Variants in COMMD1 observed in about 807,000 individuals in gnomAD.
The protein encoded by COMMD1 is copper metabolism domain containing 1.
A neutral mutation model predicts 17.2 loss-of-function variants in COMMD1; 10 were observed. That is an observed-to-expected ratio of 0.58 (90% CI 0.36 to 0.99). The LOEUF is 0.99. COMMD1 is among the 50% of genes least tolerant of loss of function. COMMD1 has a pLI of 0.01. For synonymous variants in COMMD1, 97 were observed against 91.6 expected (o/e 1.06, Z -0.34); for missense variants, 270 against 231.8 (o/e 1.17, Z -1.07).
chr2:61,914,559 G>A (rs923665971), intron 1 of COMMD1, among the ~76,000 whole-genome samples: 8 of 151,882 alleles, frequency 5.3e-5, no homozygotes, highest in Non-Finnish European at 8.8e-5. Context: ...GGCGACAGAC[G>A]GGACTCTGTC....
intron 1 of COMMD1, among the ~76,000 whole-genome samples, chr2:61,906,311 A>G (rs13396721): frequency 0.12 from 17,607 of 152,244 alleles, 2,396 homozygotes; most frequent in African/African-American, 0.33. Flanking sequence ...GCGTGGTTAA[A>G]AGAGCATAAT....
chr2:61,930,617 T>TTTTG (rs1295676718), intron 1 of COMMD1, among the ~76,000 whole-genome samples: 6 of 146,056 alleles, frequency 4.1e-5, no homozygotes, highest in East Asian at 2.0e-4. Context: ...CCACAGGGTT[T>TTTTG]TGTGTGTGTG....
At chr2:62,021,338 CA>C (rs2103856107) in intron 2 of COMMD1, among the ~76,000 whole-genome samples, 1 of 152,216 alleles carries the variant, frequency 6.6e-6, no homozygotes, top group South Asian at 2.1e-4. Flanking sequence ...GTCTTTGTTA[CA>C]GTGGTGTAGA....
chr2:61,960,456 A>G (rs1314540938), intron 1 of COMMD1, among the ~76,000 whole-genome samples: 1 of 152,168 alleles, frequency 6.6e-6, no homozygotes, highest in Non-Finnish European at 1.5e-5. Flanking sequence ...GGAGGTGAGA[A>G]CTGAAGCGAT....
chr2:61,920,467 T>G (rs1024278071), intron 1 of COMMD1, among the ~76,000 whole-genome samples: 2 of 151,324 alleles, frequency 1.3e-5, no homozygotes, highest in African/African-American at 2.5e-5. Flanking sequence ...CACACTTACA[T>G]TTCTGAGTTG....
At chr2:61,943,124 A>T (rs1260087299) in intron 1 of COMMD1, among the ~76,000 whole-genome samples, 1 of 152,192 alleles carries the variant, frequency 6.6e-6, no homozygotes, top group African/African-American at 2.4e-5. Flanking sequence ...AGAGATAGAG[A>T]ACTTAGGAAC....
At chr2:62,022,878 C>T (rs1027616342) in intron 2 of COMMD1, among the ~76,000 whole-genome samples, 1 of 152,092 alleles carries the variant, frequency 6.6e-6, no homozygotes. Context: ...GAGTTTCATT[C>T]CTAAGTAGTA....
intron 1 of COMMD1, among the ~76,000 whole-genome samples, chr2:61,972,114 T>C (rs1671666215): frequency 6.6e-6 from 1 of 152,098 alleles, no homozygotes. Context: ...AACAAGACTC[T>C]GTTTAAAAAA....
chr2:62,031,214 C>T (rs1669900701), intron 2 of COMMD1, among the ~76,000 whole-genome samples: 1 of 152,198 alleles, frequency 6.6e-6, no homozygotes, highest in Non-Finnish European at 1.5e-5. Context: ...ATTAGTTAGA[C>T]ACAACCAGCC....
At chr2:61,996,923 C>T (rs10208310) in intron 1 of COMMD1, among the ~76,000 whole-genome samples, 4,246 of 152,268 alleles carry the variant, frequency 0.028, 92 homozygotes, top group East Asian at 0.09. Context: ...TGACATTCTT[C>T]TATGAATCGT....
At chr2:61,907,513 G>A (rs960312028) in intron 1 of COMMD1, among the ~76,000 whole-genome samples, 1 of 152,070 alleles carries the variant, frequency 6.6e-6, no homozygotes, top group Admixed American at 6.6e-5. Context: ...TGGGGATGAG[G>A]CCTATATCTC....
exon 1 of COMMD1, chr2:61,888,804 C>G (rs1297901334): frequency 2.2e-6 from 1 of 445,022 alleles, no homozygotes; most frequent in Non-Finnish European, 4.0e-6. Context: ...AACCTTTACG[C>G]GAGGCAGCAA....
At chr2:61,972,158 A>G (rs1442867816) in intron 1 of COMMD1, among the ~76,000 whole-genome samples, 1 of 152,174 alleles carries the variant, frequency 6.6e-6, no homozygotes, top group East Asian at 1.9e-4. Context: ...AAATAATTCT[A>G]AGGTTATAAT....
At chr2:62,122,304 A>G (rs13387635) in intron 2 of COMMD1, among the ~76,000 whole-genome samples, 23 of 152,294 alleles carry the variant, frequency 1.5e-4, no homozygotes, top group East Asian at 3.9e-4. Context: ...ACCCTGTTCA[A>G]TGTTTACCAG....
intron 2 of COMMD1, among the ~76,000 whole-genome samples, chr2:62,115,843 TCTTTCTTTCTTTCTTTC>T (rs775914098): frequency 1.7e-5 from 2 of 115,382 alleles, no homozygotes; most frequent in Non-Finnish European, 3.6e-5. Context: ...TTTCTTTCTT[TCTTTCTTTCTTTCTTTC>T]TTTTTTTTTT....
intron 1 of COMMD1, among the ~76,000 whole-genome samples, chr2:61,995,194 C>T (rs1242269956): frequency 2.6e-5 from 4 of 152,144 alleles, no homozygotes; most frequent in Non-Finnish European, 5.9e-5. Context: ...GAACAATACT[C>T]CTGCCTCAGC....
upstream of COMMD1, chr2:61,905,610 ATT>A (rs569267407): frequency 1.8e-3 from 2,577 of 1,437,624 alleles, 7 homozygotes; most frequent in Non-Finnish European, 2.2e-3. Flanking sequence ...TGCACAGGCT[ATT>A]TAGGCACATC....
chr2:61,902,945 C>T (rs1292750046), upstream of COMMD1, among the ~76,000 whole-genome samples: 5 of 152,096 alleles, frequency 3.3e-5, no homozygotes, highest in Admixed American at 2.0e-4. Flanking sequence ...TTGTAAATTA[C>T]GTGTTTAATA....
At chr2:62,088,195 A>G (rs1671722960) in intron 2 of COMMD1, among the ~76,000 whole-genome samples, 1 of 151,968 alleles carries the variant, frequency 6.6e-6, no homozygotes, top group Non-Finnish European at 1.5e-5. Context: ...TGTCTTATAA[A>G]TATACTTCCA....
Sources: allele counts gnomAD v4.1 joint callset (sites outside exome capture counted in the v4.1 genomes callset), GRCh38; gene constraint gnomAD v4.1.1; transcripts MANE v1.5; gene names NCBI Gene and HGNC (gene_info 2026-07-23, HGNC 2026-07-21).